RBFOX1: variants seen among roughly 807,000 people sequenced by gnomAD.
RBFOX1 encodes RNA binding fox-1 homolog 1, also known as RNA binding protein fox-1 homolog 1.
In RBFOX1, 8 loss-of-function variants were observed where a neutral mutation model predicts 57.7. The ratio of observed to expected loss-of-function variants is 0.14; its 90% CI spans 0.08 to 0.25. The LOEUF (loss-of-function observed/expected upper bound fraction) is 0.25, where lower values mean the gene tolerates loss of function less well. Among genes scored for constraint, RBFOX1 ranks in the 10% least tolerant of loss-of-function variants. The pLI, the probability that RBFOX1 is intolerant of heterozygous loss-of-function variation, is 1.00. For synonymous variants in RBFOX1, 326 were observed against 222.4 expected (o/e 1.47, Z -4.15); for missense variants, 611 against 548.5 (o/e 1.11, Z -1.14).
intron 2 of RBFOX1, among the ~76,000 whole-genome samples, chr16:6,599,687 G>C (rs984961748): frequency 8.5e-5 from 13 of 152,132 alleles, no homozygotes; most frequent in African/African-American, 3.1e-4. Flanking sequence ...CAGAACTGCT[G>C]CTGTGGAGCC....
Position 6,066,871 on chromosome 16 carries a change from T to C in RBFOX1, c.-127+46879T>C, listed in dbSNP as rs1243927301. 2.0e-5 allele frequency among the ~76,000 whole-genome samples: 3 copies of C among 152,138 alleles called. No individual in the cohort carries two copies. In the East Asian group the frequency reaches 5.8e-4, roughly 29 times the overall value. On this transcript the variant is annotated intron_variant, in intron 1 of 15. Coordinates refer to ENST00000550418, the MANE Select transcript of RBFOX1 (RefSeq NM_018723.4). ...TTTCTTTATTTGCAGCAGAAGGTAA[T>C]TGCTTTAGACTTAACAGGCTGCATT...
chr16:6,124,492 T>C (rs868247425), intron 1 of RBFOX1, among the ~76,000 whole-genome samples: 1 of 152,092 alleles, frequency 6.6e-6, no homozygotes, highest in Non-Finnish European at 1.5e-5. Context: ...GGAAAGCCCA[T>C]TGTTGCCTAA....
At chr16:7,182,518 C>G (rs80029577) in intron 4 of RBFOX1, among the ~76,000 whole-genome samples, 1,907 of 152,202 alleles carry the variant, frequency 0.013, 23 homozygotes, top group Non-Finnish European at 0.021. Context: ...TTATGGTGAA[C>G]TGTTGTTATA....
At chr16:6,376,112 G>T (rs74007316) in intron 2 of RBFOX1, among the ~76,000 whole-genome samples, 1,835 of 152,212 alleles carry the variant, frequency 0.012, 36 homozygotes, top group African/African-American at 0.04. Flanking sequence ...TTTACAATGA[G>T]CTCTCATATC....
intron 1 of RBFOX1, among the ~76,000 whole-genome samples, chr16:6,316,465 A>C (rs1381742607): frequency 6.6e-6 from 1 of 152,226 alleles, no homozygotes; most frequent in African/African-American, 2.4e-5. Flanking sequence ...AACTTTAAGT[A>C]AGTATCACCT....
chr16:5,624,002 G>T (rs955141324), intron 3 of RBFOX1, among the ~76,000 whole-genome samples: 1 of 152,206 alleles, frequency 6.6e-6, no homozygotes, highest in Non-Finnish European at 1.5e-5. Context: ...GGCTTTTGCA[G>T]ACTATTTGAT....
At position 7,490,698 on chromosome 16, in the gene RBFOX1, C is replaced by G. The variant is rs958605327; in HGVS notation, c.28-27449C>G. 3.9e-5 allele frequency among the ~76,000 whole-genome samples: 6 copies of G among 152,196 alleles called. No individual in the cohort carries two copies. The East Asian group carries it at 7.7e-4, about 20-fold the overall frequency. The stretch of plus-strand genomic sequence containing the variant: ...CTAGTTCATAAGTCCAAGTTCAACT[C>G]TGGTTGAGGTGGGGGTGTTGATAGC... On this transcript the variant is annotated intron_variant, in intron 4 of 15. Transcript: ENST00000550418.
At chr16:6,831,895 G>C (rs947554124) in intron 3 of RBFOX1, among the ~76,000 whole-genome samples, 2 of 152,158 alleles carry the variant, frequency 1.3e-5, no homozygotes, top group Admixed American at 6.5e-5. Flanking sequence ...GAAAAGCAAT[G>C]TCTTACTTCT....
At chr16:7,189,782 T>C (rs1367647652) in intron 4 of RBFOX1, among the ~76,000 whole-genome samples, 1 of 152,226 alleles carries the variant, frequency 6.6e-6, no homozygotes, top group Non-Finnish European at 1.5e-5. Context: ...ACTTTCCCTA[T>C]GCATCCAGCA....
intron 3 of RBFOX1, among the ~76,000 whole-genome samples, chr16:5,777,109 A>G (rs1050003733): frequency 6.6e-6 from 1 of 152,178 alleles, no homozygotes; most frequent in South Asian, 2.1e-4. Flanking sequence ...TTGTGGTTTA[A>G]ACAACACAAA....
At chr16:6,284,922 A>C (rs1412895128) in intron 1 of RBFOX1, among the ~76,000 whole-genome samples, 4 of 152,106 alleles carry the variant, frequency 2.6e-5, no homozygotes, top group African/African-American at 9.7e-5. Context: ...TACGCTTCCA[A>C]ATGGCTGGCA....
intron 2 of RBFOX1, among the ~76,000 whole-genome samples, chr16:6,631,685 G>C (rs1415320358): frequency 2.6e-5 from 4 of 152,152 alleles, no homozygotes; most frequent in African/African-American, 2.4e-5. Flanking sequence ...AAAGAAAACA[G>C]AACAGAGAGG....
chr16:6,107,719 T>C (rs2096398640), intron 1 of RBFOX1, among the ~76,000 whole-genome samples: 1 of 14,834 alleles, frequency 6.7e-5, no homozygotes, highest in South Asian at 3.4e-3. Flanking sequence ...ATGGATGGAT[T>C]TGTGGGTGGG....
intron 3 of RBFOX1, among the ~76,000 whole-genome samples, chr16:6,871,919 G>GTGTGTC (rs2060967921): frequency 1.0e-5 from 1 of 99,680 alleles, no homozygotes; most frequent in Non-Finnish European, 2.2e-5. Context: ...GTCTGTGTGT[G>GTGTGTC]TGTGTGTGTG....
At chr16:6,713,424 C>G (rs1354301590) in intron 3 of RBFOX1, among the ~76,000 whole-genome samples, 1 of 152,038 alleles carries the variant, frequency 6.6e-6, no homozygotes, top group Admixed American at 6.6e-5. Flanking sequence ...ATTTCTCAAC[C>G]TTGGTATTGG....
At chr16:6,343,964 C>G (rs181327636) in intron 2 of RBFOX1, among the ~76,000 whole-genome samples, 41 of 152,320 alleles carry the variant, frequency 2.7e-4, no homozygotes, top group South Asian at 6.2e-4. Flanking sequence ...CAGCTGAGCA[C>G]AGTCTAATTC....
intron 2 of RBFOX1, among the ~76,000 whole-genome samples, chr16:5,503,526 C>G (rs2043273559): frequency 6.6e-6 from 1 of 152,318 alleles, no homozygotes; most frequent in Admixed American, 6.5e-5. Flanking sequence ...TCACTGTAGC[C>G]TCTACCTCCT....
At chr16:5,251,166 C>T (rs763591345) in intron 1 of RBFOX1, among the ~76,000 whole-genome samples, 7 of 152,344 alleles carry the variant, frequency 4.6e-5, no homozygotes, top group Non-Finnish European at 1.0e-4. Flanking sequence ...GGCTTCCGAG[C>T]TCTGGCAGAC....
chr16:5,447,246 C>T (rs1381403919), intron 1 of RBFOX1, among the ~76,000 whole-genome samples: 1 of 152,132 alleles, frequency 6.6e-6, no homozygotes, highest in Non-Finnish European at 1.5e-5. Context: ...ATTATAAGAA[C>T]TCAGAGCCTG....
Sources: allele counts gnomAD v4.1 joint callset (sites outside exome capture counted in the v4.1 genomes callset), GRCh38; gene constraint gnomAD v4.1.1; transcripts MANE v1.5; gene names NCBI Gene and HGNC (gene_info 2026-07-23, HGNC 2026-07-21).